Variants in GSG1L observed in about 807,000 individuals in gnomAD.
GSG1L encodes the protein GSG1 like.
In GSG1L, 24 loss-of-function variants were observed where a neutral mutation model predicts 42.1. That is an observed-to-expected ratio of 0.57 (90% confidence interval 0.41 to 0.80). The LOEUF is 0.80. GSG1L is among the 30% of genes least tolerant of loss of function. The pLI, the probability that GSG1L is intolerant of heterozygous loss-of-function variation, is 0.00. For synonymous variants in GSG1L, 215 were observed against 203.5 expected, an observed-to-expected ratio of 1.06 and a Z score of -0.48; for missense variants, 445 against 472.2, an observed-to-expected ratio of 0.94 and a Z score of 0.53.
rs1294225865 is a variant in GSG1L at position 27,791,239 on chromosome 16, G to A, written c.*131C>T. On this transcript the variant is annotated 3_prime_UTR_variant, in exon 7 of 7. Transcript: ENST00000447459. ...GGCAGCGATGGGCAGGACAGGCCTG[G>A]CATCTCCCACGCAGGCTGACTGAGT... The A allele has an allele frequency of 7.8e-6, 4 of 512,368 alleles. No individual in the cohort carries two copies. The highest frequency in any genetic ancestry group is 6.6e-5 in the South Asian group (1 of 15,206). The allele number at this position is 512,368 out of a possible 1,614,324, so 31.7% of individuals were successfully genotyped here.
intron 1 of GSG1L, among the ~76,000 whole-genome samples, chr16:28,002,885 C>T (rs938718314): frequency 3.3e-5 from 5 of 151,990 alleles, no homozygotes; most frequent in Non-Finnish European, 7.4e-5. Flanking sequence ...TGCAGTGAGC[C>T]CAGATGCACC....
intron 4 of GSG1L, among the ~76,000 whole-genome samples, chr16:27,832,427 T>C (rs568163612): frequency 6.6e-6 from 1 of 152,352 alleles, no homozygotes; most frequent in East Asian, 1.9e-4. Flanking sequence ...TTCATTTCAA[T>C]AATTTTACCT....
At chr16:27,828,240 T>G (rs1015182492) in intron 5 of GSG1L, among the ~76,000 whole-genome samples, 2 of 151,792 alleles carry the variant, frequency 1.3e-5, no homozygotes, top group South Asian at 2.1e-4. Context: ...CATCCAGCCA[T>G]CCATCTACCT....
At chr16:27,889,408 C>T (rs147406183) in intron 2 of GSG1L, among the ~76,000 whole-genome samples, 8 of 152,204 alleles carry the variant, frequency 5.3e-5, no homozygotes, top group East Asian at 3.9e-4. Flanking sequence ...TTGTTCTTGT[C>T]GTTATAATTG....
At chr16:27,854,065 G>A (rs1276741925) in intron 3 of GSG1L, among the ~76,000 whole-genome samples, 2 of 151,946 alleles carry the variant, frequency 1.3e-5, no homozygotes, top group East Asian at 1.9e-4. Flanking sequence ...ACATCCAGGT[G>A]TTCCAAGAAA....
chr16:27,803,712 T>C (rs1261074795), intron 6 of GSG1L, among the ~76,000 whole-genome samples: 1 of 150,602 alleles, frequency 6.6e-6, no homozygotes, highest in Non-Finnish European at 1.5e-5. Context: ...GATTACAAGA[T>C]GGTCTCCTGG....
intron 1 of GSG1L, among the ~76,000 whole-genome samples, chr16:28,003,729 C>T (rs1281829046): frequency 6.6e-6 from 1 of 152,154 alleles, no homozygotes; most frequent in Non-Finnish European, 1.5e-5. Flanking sequence ...CTGATTTCCT[C>T]CATCCTGTCT....
rs560401584 is a variant in GSG1L at position 27,930,548 on chromosome 16, A to C, written c.397+32608T>G. On this transcript the variant is annotated intron_variant, in intron 2 of 6. Transcript: ENST00000447459. Reference sequence around the variant, plus strand: ...TTGGGGGCCTTGTACAGTGCCTGGCACATAGTAGGTGCTCAAGAAATGTGC... The same window carrying C: ...TTGGGGGCCTTGTACAGTGCCTGGCCCATAGTAGGTGCTCAAGAAATGTGC... Among the ~76,000 whole-genome samples the C allele has an allele frequency of 6.6e-5, 10 of 152,292 alleles. No homozygotes were observed. The East Asian group carries it at 1.9e-3, about 29-fold the overall frequency.
chr16:27,883,327 G>T lies in GSG1L; in HGVS notation c.550+1159C>A, dbSNP rs551763502. On this transcript the variant is annotated intron_variant, in intron 3 of 6. Transcript: ENST00000447459. ...GACAGCTGGGGATGGGGTGCATGGG[G>T]ATGGGGTACATGGGGATGGGGTGCA... Among the ~76,000 whole-genome samples the T allele has an allele frequency of 1.6e-4, 24 of 151,540 alleles. No homozygotes were observed. The South Asian group carries it at 5.0e-3, about 32-fold the overall frequency.
At chr16:27,850,604 A>T (rs1283799124) in intron 3 of GSG1L, 2 of 455,628 alleles carry the variant, frequency 4.4e-6, no homozygotes, top group Non-Finnish European at 8.8e-6. Context: ...GCTGAGGGAA[A>T]ACCAGCGTGG....
At chr16:27,825,439 G>A (rs1005893662) in intron 5 of GSG1L, among the ~76,000 whole-genome samples, 2 of 152,196 alleles carry the variant, frequency 1.3e-5, no homozygotes, top group Non-Finnish European at 2.9e-5. Flanking sequence ...GGGAGGCTGA[G>A]GTCAGAGGAT....
intron 4 of GSG1L, among the ~76,000 whole-genome samples, chr16:27,837,498 CA>C (rs1359819392): frequency 1.3e-5 from 2 of 152,172 alleles, no homozygotes; most frequent in Non-Finnish European, 2.9e-5. Flanking sequence ...TGGGAGGGGC[CA>C]GGGGGCCTCA....
At chr16:28,022,479 A>ATT (rs11318488) in intron 1 of GSG1L, among the ~76,000 whole-genome samples, 5,355 of 141,796 alleles carry the variant, frequency 0.038, 326 homozygotes, top group African/African-American at 0.13. Context: ...CAACCAGCTA[A>ATT]TTTTTTTTTT....
chr16:27,851,887 G>A (rs1223419709), intron 3 of GSG1L, among the ~76,000 whole-genome samples: 3 of 152,286 alleles, frequency 2.0e-5, no homozygotes, highest in East Asian at 1.9e-4. Context: ...CGCCTCCCTC[G>A]AGGTGGGGGT....
At chr16:27,967,393 C>T (rs1026621753) in intron 1 of GSG1L, among the ~76,000 whole-genome samples, 2 of 152,162 alleles carry the variant, frequency 1.3e-5, no homozygotes, top group Non-Finnish European at 2.9e-5. Flanking sequence ...TCCAAAGAAT[C>T]ACACGGCCAC....
chr16:27,955,215 AGAAATAT>A (rs1261511578), intron 2 of GSG1L, among the ~76,000 whole-genome samples: 1 of 152,204 alleles, frequency 6.6e-6, no homozygotes, highest in Non-Finnish European at 1.5e-5. Context: ...ATATCATTGG[AGAAATAT>A]GAGAAGATAT....
At chr16:27,852,058 C>A (rs888064006) in intron 3 of GSG1L, among the ~76,000 whole-genome samples, 4 of 152,188 alleles carry the variant, frequency 2.6e-5, no homozygotes, top group Non-Finnish European at 2.9e-5. Flanking sequence ...ATGCCACGCT[C>A]CATTTAATTG....
chr16:28,039,933 T>C (rs2086088164), intron 1 of GSG1L, among the ~76,000 whole-genome samples: 1 of 152,102 alleles, frequency 6.6e-6, no homozygotes, highest in Non-Finnish European at 1.5e-5. Flanking sequence ...TTCCTGATTT[T>C]CTCCCTCAAC....
chr16:28,028,257 C>G (rs1047934569), intron 1 of GSG1L, among the ~76,000 whole-genome samples: 19 of 152,262 alleles, frequency 1.2e-4, no homozygotes, highest in Admixed American at 1.2e-3. Context: ...GGAGTTATTA[C>G]ATGAGAAGTG....
Sources: allele counts gnomAD v4.1 joint callset (sites outside exome capture counted in the v4.1 genomes callset), GRCh38; gene constraint gnomAD v4.1.1; transcripts MANE v1.5; gene names NCBI Gene and HGNC (gene_info 2026-07-23, HGNC 2026-07-21).